The following SLIT3 variants were observed in gnomAD, a reference collection of about 807,000 sequenced individuals.
SLIT3 encodes slit homolog 3 protein.
A neutral mutation model predicts 184.0 loss-of-function variants in SLIT3; 68 were observed. That is an observed-to-expected ratio of 0.37 (90% CI 0.30 to 0.45). The LOEUF is 0.45. Among genes scored for constraint, SLIT3 ranks in the 20% least tolerant of loss-of-function variants. The pLI, the probability that SLIT3 is intolerant of heterozygous loss-of-function variation, is 1.00. For missense variants in SLIT3, 1,707 were observed against 2,026.0 expected (o/e 0.84, Z 3.02); for synonymous variants, 831 against 828.6 (o/e 1.00, Z -0.05).
intron 4 of SLIT3, among the ~76,000 whole-genome samples, chr5:169,124,308 T>A (rs1760998400): frequency 1.3e-5 from 2 of 152,208 alleles, no homozygotes; most frequent in Admixed American, 1.3e-4. Flanking sequence ...TCCTATGAAC[T>A]TTTTGAAGTC....
intron 5 of SLIT3, among the ~76,000 whole-genome samples, chr5:168,848,984 C>T (rs1758580282): frequency 6.6e-6 from 1 of 151,878 alleles, no homozygotes; most frequent in African/African-American, 2.4e-5. Flanking sequence ...AAACTGACTA[C>T]AATTTAAAAA....
chr5:169,041,686 C>CT (rs1757454249), intron 4 of SLIT3, among the ~76,000 whole-genome samples: 1 of 152,142 alleles, frequency 6.6e-6, no homozygotes, highest in Non-Finnish European at 1.5e-5. Flanking sequence ...CTATTTTCTA[C>CT]TTTTTTTCTG....
chr5:169,108,084 G>T (rs1760284083), intron 4 of SLIT3, among the ~76,000 whole-genome samples: 1 of 152,218 alleles, frequency 6.6e-6, no homozygotes, highest in South Asian at 2.1e-4. Context: ...AAAAGTAGGA[G>T]CCCTGCTTGT....
intron 23 of SLIT3, among the ~76,000 whole-genome samples, chr5:168,716,179 G>T (rs1468878174): frequency 2.6e-5 from 4 of 152,110 alleles, no homozygotes; most frequent in Non-Finnish European, 5.9e-5. Flanking sequence ...GTTTCACCCT[G>T]TTGGCCAGGA....
At chr5:168,685,154 G>A (rs1178331820) in intron 31 of SLIT3, among the ~76,000 whole-genome samples, 4 of 152,146 alleles carry the variant, frequency 2.6e-5, no homozygotes, top group African/African-American at 9.6e-5. Context: ...TCACCATGTT[G>A]GCCAGGTTGG....
At chr5:169,150,476 A>G (rs1762077707) in intron 4 of SLIT3, among the ~76,000 whole-genome samples, 1 of 151,812 alleles carries the variant, frequency 6.6e-6, no homozygotes, top group Non-Finnish European at 1.5e-5. Context: ...CCAGACTGGG[A>G]TCGAGGAACA....
intron 4 of SLIT3, among the ~76,000 whole-genome samples, chr5:169,005,328 G>A (rs1755878081): frequency 6.6e-6 from 1 of 152,176 alleles, no homozygotes; most frequent in African/African-American, 2.4e-5. Context: ...GACTACAACA[G>A]CCTCTGAGCT....
In SLIT3 at chr5:169,092,937, C is replaced by T. The variant is rs115895298; in HGVS notation, c.413+100542G>A. ...TGCTGACCTGATACAGAGTGTGTAG[C>T]GGCTTATTTCTAAGTGGATGGAGGA... On this transcript the variant is annotated intron_variant, in intron 4 of 35. Coordinates refer to ENST00000519560, the MANE Select transcript of SLIT3 (RefSeq NM_003062.4). Among the ~76,000 whole-genome samples, 443 of 152,266 alleles carry T rather than the reference C, an allele frequency of 2.9e-3. 8 individuals are homozygous for T. Among genetic ancestry groups the T allele is most frequent in the Middle Eastern group, 6.8e-3 (2 of 294 alleles).
intron 3 of SLIT3, among the ~76,000 whole-genome samples, chr5:169,227,286 A>G (rs1764845509): frequency 6.6e-6 from 1 of 152,222 alleles, no homozygotes; most frequent in Non-Finnish European, 1.5e-5. Context: ...AATCAGGATG[A>G]TGATATAGTT....
chr5:168,954,833 G>A (rs985575385), intron 4 of SLIT3, among the ~76,000 whole-genome samples: 5 of 152,242 alleles, frequency 3.3e-5, no homozygotes, highest in Admixed American at 6.5e-5. Context: ...TGCCTTGAGA[G>A]AATGCAGGTC....
intron 4 of SLIT3, among the ~76,000 whole-genome samples, chr5:169,019,040 G>A (rs192783802): frequency 3.8e-4 from 58 of 152,300 alleles, no homozygotes; most frequent in African/African-American, 1.4e-3. Context: ...GGGTTGCTGG[G>A]CAACAGGAAG....
chr5:168,804,054 C>T (rs902387638), intron 9 of SLIT3, among the ~76,000 whole-genome samples: 46 of 151,668 alleles, frequency 3.0e-4, no homozygotes, highest in Non-Finnish European at 5.9e-5. Context: ...TACCTGTAAT[C>T]CCAGAACTTT....
intron 4 of SLIT3, among the ~76,000 whole-genome samples, chr5:168,905,753 G>A (rs1174920804): frequency 2.0e-5 from 3 of 152,142 alleles, no homozygotes; most frequent in Admixed American, 6.5e-5. Flanking sequence ...GAACCACAGC[G>A]TTTCCTTGGA....
chr5:168,680,800 G>T (rs1309178622), intron 32 of SLIT3, among the ~76,000 whole-genome samples: 1 of 152,076 alleles, frequency 6.6e-6, no homozygotes, highest in Non-Finnish European at 1.5e-5. Flanking sequence ...TGATTCTGAG[G>T]CACAGGTCAT....
intron 4 of SLIT3, among the ~76,000 whole-genome samples, chr5:169,055,920 G>A (rs1179635656): frequency 3.3e-5 from 5 of 152,106 alleles, no homozygotes; most frequent in Non-Finnish European, 5.9e-5. Context: ...GCCATCATAC[G>A]AAATTAAGAA....
chr5:168,901,862 G>A (rs974360751), intron 4 of SLIT3, among the ~76,000 whole-genome samples: 4 of 152,188 alleles, frequency 2.6e-5, no homozygotes, highest in African/African-American at 7.2e-5. Flanking sequence ...TATGCCCTGT[G>A]ACATTTGAAT....
At chr5:169,281,604 A>G (rs1416799230) in intron 1 of SLIT3, among the ~76,000 whole-genome samples, 1 of 80,382 alleles carries the variant, frequency 1.2e-5, no homozygotes, top group Admixed American at 1.2e-4. Flanking sequence ...TAAATAATTG[A>G]TGGGGGGAAA....
chr5:168,763,584 G>T (rs1054596518), intron 14 of SLIT3, among the ~76,000 whole-genome samples: 1 of 152,106 alleles, frequency 6.6e-6, no homozygotes, highest in South Asian at 2.1e-4. Flanking sequence ...TCCCGAAGTT[G>T]CACAGTAATG....
At chr5:168,690,630 G>A (rs78630593) in intron 29 of SLIT3, among the ~76,000 whole-genome samples, 4,175 of 152,270 alleles carry the variant, frequency 0.027, 82 homozygotes, top group Non-Finnish European at 0.04. Flanking sequence ...GTCAAATCAG[G>A]GGGGTGGAAG....
Sources: gnomAD v4.1 joint callset for allele counts (sites outside exome capture counted in the v4.1 genomes callset) on GRCh38, gnomAD v4.1.1 for gene constraint, MANE v1.5 for transcripts, NCBI Gene and HGNC (gene_info 2026-07-23, HGNC 2026-07-21) for gene names.